The following TMPRSS4 variants were observed in gnomAD, a reference collection of about 807,000 sequenced individuals.
TMPRSS4 encodes the protein transmembrane protease serine 4.
Under a neutral mutation model 56.4 loss-of-function variants are expected in TMPRSS4, and 45 were observed. That is an observed-to-expected ratio of 0.80 (90% CI 0.63 to 1.02). The LOEUF (loss-of-function observed/expected upper bound fraction) is 1.02. Among genes scored for constraint, TMPRSS4 ranks in the 50% least tolerant of loss-of-function variants. TMPRSS4 has a pLI of 0.00. For synonymous variants in TMPRSS4, 205 were observed against 211.0 expected, an observed-to-expected ratio of 0.97 and a Z score of 0.25; for missense variants, 546 against 556.7, an observed-to-expected ratio of 0.98 and a Z score of 0.19.
rs1185763712 is a variant in TMPRSS4, at chr11:118,119,893, C to T, written c.*1980C>T. ...ACATAACACAAGTTGCCATCTTCACCATTTTTAGGTGTATAGTTCAGTGGT... is the reference window on the plus strand; with the variant it reads ...ACATAACACAAGTTGCCATCTTCACTATTTTTAGGTGTATAGTTCAGTGGT... On this transcript the variant is annotated 3_prime_UTR_variant, in exon 13 of 13. Transcript: ENST00000437212. 1 of 152,188 alleles carries T rather than the reference C, an allele frequency of 6.6e-6. No homozygotes were observed. Among genetic ancestry groups the T allele is most frequent in the Non-Finnish European group, 1.5e-5 (1 of 68,038 alleles). 9.4% of individuals were successfully genotyped at this position (152,188 alleles called of 1,614,324 possible).
At chr11:118,079,203 C>T (rs1392737158) in intron 1 of TMPRSS4, among the ~76,000 whole-genome samples, 1 of 152,142 alleles carries the variant, frequency 6.6e-6, no homozygotes. Flanking sequence ...TGCTGAATAA[C>T]CCTGTCATTA....
chr11:118,105,412 T>C (rs1946939083), intron 5 of TMPRSS4, among the ~76,000 whole-genome samples: 1 of 151,888 alleles, frequency 6.6e-6, no homozygotes. Flanking sequence ...ACCAAAAAGA[T>C]AGTTATTATA....
chr11:118,102,831 G>A (rs1008293225), intron 3 of TMPRSS4: 2 of 440,438 alleles, frequency 4.5e-6, no homozygotes, highest in Non-Finnish European at 8.2e-6. Flanking sequence ...GAGGGTAAGA[G>A]GCAGTTACCA....
In TMPRSS4 at chr11:118,118,436, G is replaced by A. The variant is rs975227183; in HGVS notation, c.*523G>A. 1.0e-6 allele frequency: 1 copy of A among 987,858 alleles called. No individual in the cohort carries two copies. Among genetic ancestry groups the A allele is most frequent in the Non-Finnish European group, 1.2e-6 (1 of 831,806 alleles). 61.2% of individuals were successfully genotyped at this position (987,858 alleles called of 1,614,324 possible). A position where few individuals can be genotyped will look rare whatever the true frequency, so the allele number is the denominator to read the frequency against. On this transcript the variant is annotated 3_prime_UTR_variant, in exon 13 of 13. Coordinates refer to ENST00000437212, the MANE Select transcript of TMPRSS4 (RefSeq NM_019894.4). The stretch of plus-strand genomic sequence containing the variant: ...TACAGCTATGGCCACTATTATTAAA[G>A]AGCTGTGTAACATCTCTGGCATAGG...
chr11:118,108,453 T>C (rs1319796531), intron 6 of TMPRSS4: 1 of 186,404 alleles, frequency 5.4e-6, no homozygotes, highest in Admixed American at 5.9e-5. Flanking sequence ...TCACCGAAAA[T>C]AAATCTTGAA....
Position 118,119,547 on chromosome 11 carries a change from ATATTTGCAG to A in TMPRSS4, c.*1635_*1643del, listed in dbSNP as rs1352265317. 6.0e-6 allele frequency: 1 copy of A among 167,968 alleles called. No homozygotes were observed. Among genetic ancestry groups the A allele is most frequent in the Non-Finnish European group, 1.2e-5 (1 of 82,524 alleles). The allele number at this position is 167,968 out of a possible 1,614,324, so 10.4% of individuals were successfully genotyped here. A position where few individuals can be genotyped will look rare whatever the true frequency, so the allele number is the denominator to read the frequency against. ...TATTAGAGACTTATGATAATAAGCA[ATATTTGCAG>A]AGTATTTGTATGTGCCAGACACTAT... On this transcript the variant is annotated 3_prime_UTR_variant, in exon 13 of 13. Coordinates refer to ENST00000437212, the MANE Select transcript of TMPRSS4 (RefSeq NM_019894.4).
At chr11:118,080,646 T>C (rs1214506042) in intron 1 of TMPRSS4, among the ~76,000 whole-genome samples, 3 of 152,044 alleles carry the variant, frequency 2.0e-5, no homozygotes, top group African/African-American at 7.2e-5. Flanking sequence ...CCAAGAGATC[T>C]GAGGAGCTGA....
intron 8 of TMPRSS4, 30 bp downstream of exon 8, chr11:118,111,930 G>A: frequency 6.3e-7 from 1 of 1,592,642 alleles, no homozygotes; most frequent in South Asian, 1.1e-5. Context: ...GAGGTCTCTG[G>A]GGACCAAGGC....
chr11:118,113,217 A>G, intron 8 of TMPRSS4, 52 bp from the exon 9 acceptor site: 1 of 1,550,970 alleles, frequency 6.4e-7, no homozygotes, highest in Non-Finnish European at 8.7e-7. Context: ...AGCCTTTGGC[A>G]AAGTCTCCTC....
At chr11:118,100,880 A>G (rs868107532) in intron 3 of TMPRSS4, among the ~76,000 whole-genome samples, 1 of 152,186 alleles carries the variant, frequency 6.6e-6, no homozygotes, top group Non-Finnish European at 1.5e-5. Context: ...CAGATTCTGC[A>G]ATCAGAGGTT....
Position 118,119,249 on chromosome 11 carries a change from C to T in TMPRSS4, c.*1336C>T, listed in dbSNP as rs1261893235. 2 of 985,270 alleles carry T rather than the reference C, an allele frequency of 2.0e-6. No homozygotes were observed. The highest frequency in any genetic ancestry group is 2.4e-6 in the Non-Finnish European group (2 of 829,944). 61.0% of individuals were successfully genotyped at this position (985,270 alleles called of 1,614,324 possible). A position where few individuals can be genotyped will look rare whatever the true frequency, so the allele number is the denominator to read the frequency against. On this transcript the variant is annotated 3_prime_UTR_variant, in exon 13 of 13. Transcript: ENST00000437212. ...TCTTGGGTCGAGACCTATATGAAGG[C>T]TGGCAGTGGAGCTAAACCTGGACAC...
intron 11 of TMPRSS4, among the ~76,000 whole-genome samples, chr11:118,116,715 C>CTTTTTTTT (rs58251133): frequency 3.2e-5 from 4 of 123,352 alleles, no homozygotes; most frequent in African/African-American, 6.4e-5. Flanking sequence ...GATAACCAGG[C>CTTTTTTTT]TTTTTTTTTT....
Position 118,120,426 on chromosome 11 carries a change from C to G in TMPRSS4, c.*2513C>G, listed in dbSNP as rs1435968996. ...ATAGAGACTGCACCATTTTACATTC[C>G]CATCAACAGTTTGCAGGAGTTACTA... On this transcript the variant is annotated 3_prime_UTR_variant, in exon 13 of 13. Coordinates refer to ENST00000437212, the MANE Select transcript of TMPRSS4 (RefSeq NM_019894.4). 1.3e-5 allele frequency: 2 copies of G among 152,100 alleles called. No homozygotes were observed. The highest frequency in any genetic ancestry group is 2.9e-5 in the Non-Finnish European group (2 of 68,018). The allele number at this position is 152,100 out of a possible 1,614,324, so 9.4% of individuals were successfully genotyped here. A position where few individuals can be genotyped will look rare whatever the true frequency, so the allele number is the denominator to read the frequency against.
chr11:118,110,490 C>T (rs57512110), intron 7 of TMPRSS4, among the ~76,000 whole-genome samples: 8,300 of 152,036 alleles, frequency 0.055, 563 homozygotes, highest in African/African-American at 0.15. Flanking sequence ...TACAGGCACC[C>T]GTCACCAGCC....
intron 1 of TMPRSS4, among the ~76,000 whole-genome samples, chr11:118,080,339 G>A (rs1235093007): frequency 6.6e-6 from 1 of 152,198 alleles, no homozygotes; most frequent in African/African-American, 2.4e-5. Context: ...CAGCAAGAAA[G>A]AGTGGTAGTA....
downstream of TMPRSS4, chr11:118,125,275 G>A (rs1031916714): frequency 2.2e-6 from 1 of 456,722 alleles, no homozygotes; most frequent in Non-Finnish European, 4.4e-6. Context: ...GCAGATAAAT[G>A]GCTTCTCCTT....
Position 118,104,829 on chromosome 11 carries a change from C to A in TMPRSS4, c.440+9C>A. On this transcript the variant is annotated intron_variant, in intron 5 of 12. Transcript: ENST00000437212. The stretch of plus-strand genomic sequence containing the variant: ...CAGATGGGCTACAGCAGGTAACCAA[C>A]CTGGGCCTCTCTCCTTTTTCCCTCC... 2 of 1,567,528 alleles carry A rather than the reference C, an allele frequency of 1.3e-6. No individual in the cohort carries two copies. Among genetic ancestry groups the A allele is most frequent in the Non-Finnish European group, 1.7e-6 (2 of 1,155,728 alleles).
Position 118,077,316 on chromosome 11 carries a change from G to A in TMPRSS4, c.3+11G>A, listed in dbSNP as rs1290672096. On this transcript the variant is annotated intron_variant, in intron 1 of 12. Coordinates refer to ENST00000437212, the MANE Select transcript of TMPRSS4 (RefSeq NM_019894.4). ...CACAGAGCCAGCATGGTGAGTGTGG[G>A]GCCCTCTGCTCCCAAGACACAGGAA... 1.3e-6 allele frequency: 2 copies of A among 1,598,464 alleles called. No individual in the cohort carries two copies. Among genetic ancestry groups the A allele is most frequent in the South Asian group, 1.1e-5 (1 of 88,058 alleles).
chr11:118,098,015 C>A (rs1946501697), intron 2 of TMPRSS4, among the ~76,000 whole-genome samples: 1 of 152,198 alleles, frequency 6.6e-6, no homozygotes, highest in Non-Finnish European at 1.5e-5. Flanking sequence ...GGTGATCCAC[C>A]CACCTCGGCC....
Sources: allele counts gnomAD v4.1 joint callset (sites outside exome capture counted in the v4.1 genomes callset), GRCh38; gene constraint gnomAD v4.1.1; transcripts MANE v1.5; gene names NCBI Gene and HGNC (gene_info 2026-07-23, HGNC 2026-07-21).